RIMS2: variants seen among roughly 807,000 people sequenced by gnomAD.
RIMS2 encodes regulating synaptic membrane exocytosis 2.
Under a neutral mutation model 174.4 loss-of-function variants are expected in RIMS2, and 59 were observed. The observed-to-expected ratio is 0.34, with a 90% CI of 0.27 to 0.42. The LOEUF (loss-of-function observed/expected upper bound fraction) is 0.42. Ranked by LOEUF, RIMS2 falls within the 10% of genes least tolerant of loss-of-function variation. The probability of loss-of-function intolerance (pLI) is 1.00; values close to 1 mark genes in which losing one functional copy is unlikely to be tolerated. For synonymous variants in RIMS2, 606 were observed against 572.5 expected (o/e 1.06, Z -0.84); for missense variants, 1,620 against 1,666.3 (o/e 0.97, Z 0.48).
In RIMS2 at chr8:103,521,885, T is replaced by G. The variant is rs568229639; in HGVS notation, c.176+20823T>G. 2.6e-5 allele frequency among the ~76,000 whole-genome samples: 4 copies of G among 152,066 alleles called. No individual in the cohort carries two copies. In the South Asian group the frequency reaches 8.3e-4, roughly 32 times the overall value. ...AAACACTTTGAGCATTTCTACCCAC[T>G]TATGTCCATTTTGTTGCCCCTGCTT... On this transcript the variant is annotated intron_variant, in intron 1 of 23. Transcript: ENST00000504942.
chr8:103,751,982 T>C (rs1377117551), intron 2 of RIMS2, among the ~76,000 whole-genome samples: 1 of 152,352 alleles, frequency 6.6e-6, no homozygotes, highest in East Asian at 1.9e-4. Flanking sequence ...ATTTTGGCTT[T>C]TGTTGCCATT....
intron 14 of RIMS2, among the ~76,000 whole-genome samples, chr8:103,949,138 A>T (rs2084631831): frequency 6.8e-6 from 1 of 147,274 alleles, no homozygotes; most frequent in South Asian, 2.1e-4. Context: ...AAAAAAAAAA[A>T]AAAAAAAAAG....
intron 1 of RIMS2, among the ~76,000 whole-genome samples, chr8:103,612,498 C>G (rs886227979): frequency 4.6e-5 from 7 of 152,238 alleles, no homozygotes; most frequent in African/African-American, 1.7e-4. Context: ...TTCTTGCAGA[C>G]TCATACAGGT....
intron 10 of RIMS2, among the ~76,000 whole-genome samples, chr8:103,926,240 A>G (rs2078751239): frequency 6.6e-6 from 1 of 151,598 alleles, no homozygotes; most frequent in African/African-American, 2.4e-5. Flanking sequence ...GTATTTCTAA[A>G]GTACCTTGTT....
At chr8:103,653,697 T>TCTC (rs34308795) in intron 1 of RIMS2, among the ~76,000 whole-genome samples, 26,805 of 152,006 alleles carry the variant, frequency 0.18, 2,544 homozygotes, top group African/African-American at 0.24. Context: ...ATGAGGATAA[T>TCTC]CTCATGCATT....
intron 19 of RIMS2, among the ~76,000 whole-genome samples, chr8:104,021,576 C>A (rs767197414): frequency 5.3e-5 from 8 of 152,152 alleles, no homozygotes; most frequent in Non-Finnish European, 1.0e-4. Flanking sequence ...AAGATCGTAT[C>A]TTTTCACATG....
intron 1 of RIMS2, among the ~76,000 whole-genome samples, chr8:103,530,284 A>G (rs1369131335): frequency 6.6e-6 from 1 of 152,158 alleles, no homozygotes; most frequent in Non-Finnish European, 1.5e-5. Flanking sequence ...TTCCAAGCTA[A>G]TAGAGAAGAA....
chr8:104,215,157 AT>A (rs2099124356), intron 19 of RIMS2, among the ~76,000 whole-genome samples: 1 of 152,190 alleles, frequency 6.6e-6, no homozygotes, highest in Non-Finnish European at 1.5e-5. Flanking sequence ...AAAATGCCAA[AT>A]TTTCTATTTT....
At chr8:104,114,464 A>G (rs1284838763) in intron 19 of RIMS2, among the ~76,000 whole-genome samples, 1 of 152,004 alleles carries the variant, frequency 6.6e-6, no homozygotes, top group African/African-American at 2.4e-5. Flanking sequence ...AAAAAGGAAG[A>G]TGACAGTTAA....
intron 19 of RIMS2, among the ~76,000 whole-genome samples, chr8:104,121,689 A>T (rs2098377093): frequency 6.6e-6 from 1 of 152,084 alleles, no homozygotes; most frequent in Non-Finnish European, 1.5e-5. Flanking sequence ...TGGCTGAGCG[A>T]GGTGGCTCTA....
intron 1 of RIMS2, among the ~76,000 whole-genome samples, chr8:103,616,064 TA>T (rs1039560261): frequency 2.6e-5 from 4 of 151,544 alleles, no homozygotes; most frequent in Non-Finnish European, 4.4e-5. Flanking sequence ...AGAGACATGA[TA>T]AAAAAAAGAA....
intron 19 of RIMS2, among the ~76,000 whole-genome samples, chr8:104,136,620 A>C (rs908912894): frequency 4.6e-4 from 70 of 152,216 alleles, no homozygotes; most frequent in African/African-American, 1.6e-3. Flanking sequence ...TGCAGCCATA[A>C]AAATGAATTC....
intron 16 of RIMS2, 120 bp downstream of exon 18, chr8:103,975,626 A>C: frequency 4.7e-5 from 31 of 657,616 alleles, no homozygotes; most frequent in Non-Finnish European, 7.1e-5. Flanking sequence ...GAATTGGCTC[A>C]TATGATTATA....
At chr8:103,523,307 C>A (rs1249347690) in intron 1 of RIMS2, among the ~76,000 whole-genome samples, 1 of 151,752 alleles carries the variant, frequency 6.6e-6, no homozygotes, top group Admixed American at 6.6e-5. Context: ...TCACTTGCCA[C>A]CTATTATTTG....
intron 1 of RIMS2, chr8:103,501,651 G>C (rs978147131): frequency 2.0e-5 from 3 of 152,876 alleles, no homozygotes; most frequent in African/African-American, 7.2e-5. Flanking sequence ...GTGGGTGTGC[G>C]TCCGCCGCCA....
intron 19 of RIMS2, among the ~76,000 whole-genome samples, chr8:104,208,151 A>T (rs1459830046): frequency 6.6e-6 from 1 of 152,208 alleles, no homozygotes; most frequent in African/African-American, 2.4e-5. Flanking sequence ...GTTATGAAAT[A>T]TTCCTGGCCA....
At chr8:104,191,207 G>A (rs992480827) in intron 19 of RIMS2, among the ~76,000 whole-genome samples, 8 of 152,010 alleles carry the variant, frequency 5.3e-5, no homozygotes, top group African/African-American at 1.9e-4. Context: ...GGGTTTCTCA[G>A]CGCAGTGAAA....
At chr8:103,506,300 C>A (rs1176187558) in intron 1 of RIMS2, among the ~76,000 whole-genome samples, 1 of 152,002 alleles carries the variant, frequency 6.6e-6, no homozygotes, top group Non-Finnish European at 1.5e-5. Context: ...ATATCTTCCT[C>A]TTGACAATAG....
At chr8:103,562,144 CT>C (rs1242730041) in intron 1 of RIMS2, among the ~76,000 whole-genome samples, 2 of 152,190 alleles carry the variant, frequency 1.3e-5, no homozygotes, top group African/African-American at 4.8e-5. Flanking sequence ...ATTTCCAAAT[CT>C]TATGTCTTCA....
Sources: allele counts gnomAD v4.1 joint callset (sites outside exome capture counted in the v4.1 genomes callset), GRCh38; gene constraint gnomAD v4.1.1; transcripts MANE v1.5; gene names NCBI Gene and HGNC (gene_info 2026-07-23, HGNC 2026-07-21).